Variants in EP400 observed in about 807,000 individuals in gnomAD.
EP400 encodes the protein E1A binding protein p400, also known as E1A-binding protein p400.
EP400 carries 105 observed loss-of-function variants against 354.1 expected under a neutral mutation model. The observed-to-expected ratio is 0.30, with a 90% CI of 0.25 to 0.35. The LOEUF is 0.35. EP400 is among the 10% of genes least tolerant of loss of function. EP400 has a pLI of 1.00. For missense variants in EP400, 3,280 were observed against 4,121.0 expected (o/e 0.80, Z 5.59); for synonymous variants, 1,646 against 1,716.9 (o/e 0.96, Z 1.02).
At chr12:131,997,092 G>GTTGA (rs1421681816) in intron 12 of EP400, among the ~76,000 whole-genome samples, 2 of 152,058 alleles carry the variant, frequency 1.3e-5, no homozygotes, top group East Asian at 1.9e-4. Flanking sequence ...TTGTTATACA[G>GTTGA]TTGACCCTTG....
intron 39 of EP400, among the ~76,000 whole-genome samples, chr12:132,046,540 A>G (rs568254058): frequency 2.0e-5 from 3 of 152,284 alleles, no homozygotes; most frequent in South Asian, 2.1e-4. Flanking sequence ...AGGGTTAACT[A>G]TAAGTATTGC....
intron 39 of EP400, among the ~76,000 whole-genome samples, chr12:132,047,021 T>C (rs570813164): frequency 6.6e-6 from 1 of 152,370 alleles, no homozygotes; most frequent in East Asian, 1.9e-4. Context: ...TTTTATTGTA[T>C]TTACTTTTGT....
intron 2 of EP400, chr12:131,963,507 T>G (rs1386542985): frequency 6.4e-7 from 1 of 1,563,172 alleles, no homozygotes; most frequent in South Asian, 1.1e-5. Flanking sequence ...ATGTTGCCTT[T>G]TTTTCTCAAA....
intron 12 of EP400, among the ~76,000 whole-genome samples, chr12:131,998,988 T>C (rs1254176535): frequency 6.6e-6 from 1 of 151,264 alleles, no homozygotes; most frequent in African/African-American, 2.4e-5. Flanking sequence ...CCTTTTATAC[T>C]ACTTTTTCTT....
intron 2 of EP400, among the ~76,000 whole-genome samples, chr12:131,965,020 A>G (rs1892030543): frequency 6.6e-6 from 1 of 152,230 alleles, no homozygotes. Context: ...GTTAAAAAGT[A>G]CAGACCAATT....
chr12:132,021,154 C>T lies in EP400; in HGVS notation c.4523C>T (p.Thr1508Ile), dbSNP rs760554256. 1.2e-6 allele frequency: 2 copies of T among 1,600,882 alleles called. No homozygotes were observed. Residue 1508 changes from threonine (T) to isoleucine (I), a missense_variant, in exon 23 of 53, where the codon ACA becomes ATA. This residue lies in a region of EP400 where 342 missense variants were observed against 342.7 expected (regional missense o/e 1.00). Coordinates refer to ENST00000389561, the MANE Select transcript of EP400 (RefSeq NM_015409.5). ...CACCAGCCCGCCTCGGCCTCCAGCA[C>T]AGCCGCTAGCCCGGCCCATCCTGCG... Reference protein sequence around the residue: ...PRHQPASASSTAASPAHPAKL... With the variant: ...PRHQPASASSIAASPAHPAKL...
At chr12:131,970,254 A>G (rs1282106344) in intron 2 of EP400, among the ~76,000 whole-genome samples, 2 of 152,248 alleles carry the variant, frequency 1.3e-5, no homozygotes, top group Non-Finnish European at 2.9e-5. Flanking sequence ...TGCAGTGTTT[A>G]CAGTACAAAT....
chr12:131,960,502 A>G, intron 1 of EP400, 83 bp from the exon 2 acceptor site: 3 of 1,309,810 alleles, frequency 2.3e-6, no homozygotes, highest in Non-Finnish European at 2.1e-6. Context: ...ATGTACTTTC[A>G]AAGTGTCTTT....
At position 132,017,506 on chromosome 12, in the gene EP400, A is replaced by G. The variant is rs771296144; in HGVS notation, c.3924-29A>G. The G allele has an allele frequency of 2.5e-6, 4 of 1,610,260 alleles. No homozygotes were observed. The South Asian group carries it at 3.3e-5, about 13-fold the overall frequency. ...TATGTCCATGTGCCGTTTGGATTGAATGCTTCGTGTTTCTTTCTCCACGGG... is the reference window on the plus strand; with the variant it reads ...TATGTCCATGTGCCGTTTGGATTGAGTGCTTCGTGTTTCTTTCTCCACGGG... On this transcript the variant is annotated intron_variant, in intron 19 of 52. Coordinates refer to ENST00000389561, the MANE Select transcript of EP400 (RefSeq NM_015409.5). The surrounding 1 kb of genome is among the most constrained non-coding windows in gnomAD (Gnocchi z 5.0).
chr12:131,952,547 G>A (rs529992932), intron 1 of EP400, among the ~76,000 whole-genome samples: 1 of 152,204 alleles, frequency 6.6e-6, no homozygotes, highest in East Asian at 1.9e-4. Flanking sequence ...TACTGCAGCT[G>A]TGACTTCTTG....
chr12:132,037,966 A>G lies in EP400; in HGVS notation c.6077A>G (p.Glu2026Gly). Residue 2026 changes from glutamate to glycine, a missense_variant, in exon 32 of 53, where the codon GAG becomes GGG. Glu to Gly is a moderately conservative substitution (Grantham distance 98, BLOSUM62 -2). Around this residue, in one of 20 missense-constraint regions of EP400, gnomAD observed 60 missense variants for 109.9 expected, o/e 0.55. Coordinates refer to ENST00000389561, the MANE Select transcript of EP400 (RefSeq NM_015409.5). ...CTCTGTGTTCAGCGAACCATCCAGG[A>G]GCTGTTTGAAGTTTATTCTCCCATG... ...MAFLTQRTIQ[E>G]LFEVYSPMDD... is the part of the protein sequence containing the mutation. 6.2e-7 allele frequency: 1 copy of G among 1,614,194 alleles called. No individual in the cohort carries two copies. Among genetic ancestry groups the G allele is most frequent in the Non-Finnish European group, 8.5e-7 (1 of 1,180,034 alleles).
Position 132,038,243 on chromosome 12 carries a change from T to A in EP400, c.6207+147T>A, listed in dbSNP as rs962611912. 6 of 996,724 alleles carry A rather than the reference T, an allele frequency of 6.0e-6. No homozygotes were observed. Among genetic ancestry groups the A allele is most frequent in the Non-Finnish European group, 8.7e-6 (6 of 691,108 alleles). 61.7% of individuals were successfully genotyped at this position (996,724 alleles called of 1,614,324 possible). On this transcript the variant is annotated intron_variant, in intron 32 of 52. Transcript: ENST00000389561. This position sits in a 1 kb window ranked among gnomAD's most constrained non-coding sequence, Gnocchi z 4.2. Reference sequence around the variant, plus strand: ...GTCCCTGCTTTTGGAACCTCCCCACTCCCTTCTTTCTGTCATGGGGATTTT... The same window carrying A: ...GTCCCTGCTTTTGGAACCTCCCCACACCCTTCTTTCTGTCATGGGGATTTT...
rs750569692 is a variant in EP400, at chr12:132,069,546, G to A, written c.8926G>A (p.Ala2976Thr). The change falls in exon 51 of 53, where the codon GCC (alanine) becomes ACC (threonine). Residue 2976 changes from alanine (A) to threonine (T), a missense_variant. By Grantham distance (58) the Ala-to-Thr change is moderately conservative. This residue lies in a region of EP400 where 279 missense variants were observed against 386.7 expected (regional missense o/e 0.72). Coordinates refer to ENST00000389561, the MANE Select transcript of EP400 (RefSeq NM_015409.5). ...TGGCGCGCAGCAGAAGGTTGCCTACGCCGCGCAGCCGGCCCTTAAGACCCA... is the reference window on the plus strand; with the variant it reads ...TGGCGCGCAGCAGAAGGTTGCCTACACCGCGCAGCCGGCCCTTAAGACCCA... ...TPGAQQKVAY[A>T]AQPALKTQFL... 1.2e-4 allele frequency: 200 copies of A among 1,614,122 alleles called. 1 individual carries two copies. Among genetic ancestry groups the A allele is most frequent in the Middle Eastern group, 1.6e-4 (1 of 6,082 alleles).
At position 132,039,602 on chromosome 12, in the gene EP400, A is replaced by G. The variant is rs1009027908; in HGVS notation, c.6207+1506A>G. ...ACCCCGCCACCACCCCGTTTCTCAC[A>G]TTTCTTCTAGAGATTGCATGTGTAT... On this transcript the variant is annotated intron_variant, in intron 32 of 52. Coordinates refer to ENST00000389561, the MANE Select transcript of EP400 (RefSeq NM_015409.5). 3.9e-5 allele frequency among the ~76,000 whole-genome samples: 6 copies of G among 152,278 alleles called. No homozygotes were observed. In the East Asian group the frequency reaches 1.2e-3, roughly 29 times the overall value.
Position 132,045,309 on chromosome 12 carries a change from C to T in EP400, c.6785-10C>T, listed in dbSNP as rs781538206. The T allele has an allele frequency of 1.7e-5, 27 of 1,613,840 alleles. No individual in the cohort carries two copies. Among genetic ancestry groups the T allele is most frequent in the East Asian group, 1.3e-4 (6 of 44,892 alleles). On this transcript the variant is annotated splice_polypyrimidine_tract_variant and intron_variant, in intron 37 of 52. Transcript: ENST00000389561. ...TTTACTCTCTTGCTGAAGACTGCCTCTCTGTTCAGCTGCAGGCAGGAAGAA... is the reference window on the plus strand; with the variant it reads ...TTTACTCTCTTGCTGAAGACTGCCTTTCTGTTCAGCTGCAGGCAGGAAGAA...
At chr12:132,041,182 A>G (rs1464753183) in intron 32 of EP400, among the ~76,000 whole-genome samples, 1 of 152,196 alleles carries the variant, frequency 6.6e-6, no homozygotes, top group Non-Finnish European at 1.5e-5. Context: ...GCCGCATGGG[A>G]CTGTGGCTAT....
At chr12:131,973,217 A>G (rs1159920400) in intron 2 of EP400, among the ~76,000 whole-genome samples, 1 of 152,144 alleles carries the variant, frequency 6.6e-6, no homozygotes, top group Non-Finnish European at 1.5e-5. Flanking sequence ...GTTTTAGGTT[A>G]TGTCTGTTCT....
At chr12:132,026,494 AG>A (rs1362119005) in intron 25 of EP400, among the ~76,000 whole-genome samples, 1 of 152,036 alleles carries the variant, frequency 6.6e-6, no homozygotes, top group Non-Finnish European at 1.5e-5. Flanking sequence ...TGGAGTGGGG[AG>A]GGGCCATGGC....
At chr12:131,995,152 C>T (rs1566178118) in intron 12 of EP400, 196 bp downstream of exon 12, 1 of 518,352 alleles carries the variant, frequency 1.9e-6, no homozygotes, top group Non-Finnish European at 3.5e-6. Context: ...CGGACACTGC[C>T]CTGACTGTCT....
Sources: gnomAD v4.1 joint callset for allele counts (sites outside exome capture counted in the v4.1 genomes callset) on GRCh38, gnomAD v4.1.1 for gene constraint, gnomAD v4.1.1 regional missense constraint, Gnocchi (gnomAD v3.1) non-coding constraint, MANE v1.5 for transcripts, NCBI Gene and HGNC (gene_info 2026-07-23, HGNC 2026-07-21) for gene names.